LRRC37A2: variants seen among roughly 807,000 people sequenced by gnomAD.
LRRC37A2 encodes leucine-rich repeat-containing protein 37A2.
A neutral mutation model predicts 68.8 loss-of-function variants in LRRC37A2; 9 were observed. The ratio of observed to expected loss-of-function variants is 0.13; its 90% CI spans 0.08 to 0.23. The LOEUF is 0.23. Among genes scored for constraint, LRRC37A2 ranks in the 10% least tolerant of loss-of-function variants. The pLI, the probability that LRRC37A2 is intolerant of heterozygous loss-of-function variation, is 1.00. For missense variants in LRRC37A2, 168 were observed against 950.4 expected (o/e 0.18, Z 10.82); for synonymous variants, 63 against 367.6 (o/e 0.17, Z 9.48).
At chr17:46,965,374 A>G in the LRRC37A2 span, among the ~76,000 whole-genome samples, 7 of 152,196 alleles carry the variant, frequency 4.6e-5, no homozygotes, top group Admixed American at 4.6e-4. Flanking sequence ...TGGGACAAGG[A>G]GAGAGAAAGC....
At chr17:46,711,693 A>G in the LRRC37A2 span, among the ~76,000 whole-genome samples, 3 of 152,236 alleles carry the variant, frequency 2.0e-5, no homozygotes, top group Non-Finnish European at 4.4e-5. Context: ...ATTAATTTAC[A>G]GTTATAATTA....
the LRRC37A2 span, among the ~76,000 whole-genome samples, chr17:46,806,136 G>A: frequency 1.4e-4 from 22 of 151,838 alleles, no homozygotes; most frequent in Non-Finnish European, 2.8e-4. Context: ...ACTTGCTTCC[G>A]AGCTCCTTAC....
chr17:46,992,768 G>A, the LRRC37A2 span, among the ~76,000 whole-genome samples: 3 of 139,736 alleles, frequency 2.1e-5, no homozygotes, highest in South Asian at 4.6e-4. Context: ...CAGGAGAATC[G>A]TTTGAACCTG....
the LRRC37A2 span, among the ~76,000 whole-genome samples, chr17:46,759,960 A>G: frequency 3.9e-5 from 6 of 152,236 alleles, no homozygotes; most frequent in Non-Finnish European, 5.9e-5. Context: ...TATCAACTGT[A>G]TTCTCCTTAA....
the LRRC37A2 span, chr17:46,937,792 G>A: frequency 6.6e-6 from 1 of 152,180 alleles, no homozygotes; most frequent in African/African-American, 2.4e-5. Flanking sequence ...TTGCAAAGCA[G>A]TATTCCATTG....
chr17:46,787,172 C>A, the LRRC37A2 span, among the ~76,000 whole-genome samples: 1 of 152,064 alleles, frequency 6.6e-6, no homozygotes, highest in South Asian at 2.1e-4. Context: ...AACTCCTGGG[C>A]CCAAGCAATC....
chr17:46,891,798 C>A, the LRRC37A2 span, among the ~76,000 whole-genome samples: 765 of 152,304 alleles, frequency 5.0e-3, 4 homozygotes, highest in African/African-American at 0.016. Flanking sequence ...GCTTCAGGAA[C>A]CCCAGAGCTT....
the LRRC37A2 span, among the ~76,000 whole-genome samples, chr17:46,498,956 G>T: frequency 1.4e-4 from 21 of 150,692 alleles, no homozygotes; most frequent in East Asian, 4.1e-3. Context: ...ATTTTATGGA[G>T]CTGATCTGAG....
At chr17:46,812,579 G>A in the LRRC37A2 span, among the ~76,000 whole-genome samples, 1 of 152,168 alleles carries the variant, frequency 6.6e-6, no homozygotes, top group Non-Finnish European at 1.5e-5. Flanking sequence ...GTCGGGGAAT[G>A]ATTAGGGGAC....
rs199829673 is a variant in LRRC37A2 at position 46,548,743 on chromosome 17, G to A, written c.3604G>A (p.Glu1202Lys). Residue 1202 changes from glutamate to lysine, a missense_variant, in exon 10 of 15, where the codon GAA becomes AAA. Transcript: ENST00000576629. ...CCAGGCATCTGTGGAGAACGCTGCC[G>A]AAGAAAAAAGGCTCGGGAGTCCAGC... is the stretch of plus-strand genomic sequence containing the variant. The A allele has an allele frequency of 3.5e-4, 566 of 1,610,408 alleles. 3 individuals carry two copies. The highest frequency in any genetic ancestry group is 1.2e-3 in the East Asian group (55 of 44,668).
At chr17:46,791,453 C>T in the LRRC37A2 span, among the ~76,000 whole-genome samples, 2 of 152,074 alleles carry the variant, frequency 1.3e-5, no homozygotes, top group African/African-American at 2.4e-5. Flanking sequence ...GTGATCCGCC[C>T]GCCTCAGCCT....
chr17:46,770,376 T>C, the LRRC37A2 span, among the ~76,000 whole-genome samples: 1 of 152,218 alleles, frequency 6.6e-6, no homozygotes, highest in Non-Finnish European at 1.5e-5. Context: ...AGGCAGCCAC[T>C]TCTGTCCTGG....
the LRRC37A2 span, among the ~76,000 whole-genome samples, chr17:46,730,520 C>A: frequency 1.3e-5 from 2 of 152,270 alleles, 1 homozygote; most frequent in South Asian, 4.1e-4. Flanking sequence ...TGATCTGCCA[C>A]ACTAAGATTT....
the LRRC37A2 span, among the ~76,000 whole-genome samples, chr17:46,492,868 G>A: frequency 6.7e-6 from 1 of 150,264 alleles, no homozygotes; most frequent in Admixed American, 6.6e-5. Context: ...TAATTTTTTT[G>A]TATATTTAGT....
the LRRC37A2 span, among the ~76,000 whole-genome samples, chr17:46,875,925 C>T: frequency 6.6e-6 from 1 of 152,296 alleles, no homozygotes; most frequent in Non-Finnish European, 1.5e-5. Context: ...GAGTTGTCAT[C>T]ACTGAGTTGT....
At chr17:46,771,656 G>A in the LRRC37A2 span, among the ~76,000 whole-genome samples, 1 of 143,216 alleles carries the variant, frequency 7.0e-6, no homozygotes, top group African/African-American at 2.5e-5. Context: ...CCGGGCCGCC[G>A]GGCCGGCCGC....
the LRRC37A2 span, among the ~76,000 whole-genome samples, chr17:46,908,266 G>A: frequency 2.0e-5 from 3 of 147,756 alleles, no homozygotes; most frequent in African/African-American, 7.3e-5. Flanking sequence ...CTCATGGCCC[G>A]CAGCGGGAAG....
the LRRC37A2 span, chr17:46,714,063 C>T: frequency 1.4e-6 from 2 of 1,418,980 alleles, no homozygotes; most frequent in Non-Finnish European, 1.9e-6. Context: ...TGCCTTTGTA[C>T]ATGTATACAT....
chr17:46,707,456 G>A, the LRRC37A2 span, among the ~76,000 whole-genome samples: 1 of 151,870 alleles, frequency 6.6e-6, no homozygotes, highest in Non-Finnish European at 1.5e-5. Context: ...TCATAATGTT[G>A]TATAATCATC....
Sources: gnomAD v4.1 joint callset for allele counts (sites outside exome capture counted in the v4.1 genomes callset) on GRCh38, gnomAD v4.1.1 for gene constraint, MANE v1.5 for transcripts, NCBI Gene and HGNC (gene_info 2026-07-23, HGNC 2026-07-21) for gene names.